The following LAMA3 variants were observed in gnomAD, a reference collection of about 807,000 sequenced individuals.
LAMA3 encodes the protein laminin subunit alpha 3, also known as laminin subunit alpha-3.
Under a neutral mutation model 402.0 loss-of-function variants are expected in LAMA3, and 281 were observed. The ratio of observed to expected loss-of-function variants is 0.70; its 90% CI spans 0.63 to 0.77. LAMA3 has a LOEUF of 0.77. Ranked by LOEUF, LAMA3 falls within the 30% of genes least tolerant of loss-of-function variation. LAMA3 has a pLI of 0.00. For synonymous variants in LAMA3, 1,431 were observed against 1,558.4 expected (o/e 0.92, Z 1.93); for missense variants, 3,840 against 4,215.5 (o/e 0.91, Z 2.47).
At chr18:23,762,186 A>G (rs1304649797) in intron 7 of LAMA3, among the ~76,000 whole-genome samples, 2 of 152,120 alleles carry the variant, frequency 1.3e-5, no homozygotes, top group African/African-American at 4.8e-5. Flanking sequence ...ACTACACTCC[A>G]TCTGGGTGAC....
intron 8 of LAMA3, among the ~76,000 whole-genome samples, chr18:23,766,507 A>G (rs1221044648): frequency 2.0e-5 from 3 of 152,196 alleles, no homozygotes; most frequent in Admixed American, 1.3e-4. Flanking sequence ...AATGAAGAGT[A>G]TGGTATGTGT....
chr18:23,691,725 C>T (rs1215991462), intron 1 of LAMA3, among the ~76,000 whole-genome samples: 1 of 152,218 alleles, frequency 6.6e-6, no homozygotes, highest in Admixed American at 6.5e-5. Flanking sequence ...GCACATGCCA[C>T]CATGCGTGGC....
intron 32 of LAMA3, among the ~76,000 whole-genome samples, chr18:23,854,314 G>A (rs1294926922): frequency 1.3e-5 from 2 of 152,222 alleles, no homozygotes; most frequent in Non-Finnish European, 2.9e-5. Context: ...CTTGCTGCAG[G>A]TACTCTTGTT....
intron 38 of LAMA3, among the ~76,000 whole-genome samples, chr18:23,875,279 G>GT (rs975107506): frequency 1.1e-4 from 16 of 151,672 alleles, no homozygotes; most frequent in Non-Finnish European, 1.5e-4. Flanking sequence ...AAGAAGAATT[G>GT]TTTTTTTTCT....
At chr18:23,893,589 C>T (rs765392580) in intron 42 of LAMA3, among the ~76,000 whole-genome samples, 6 of 151,956 alleles carry the variant, frequency 3.9e-5, no homozygotes, top group Admixed American at 6.6e-5. Flanking sequence ...CCCTCCCCAC[C>T]GGCCAAAAAA....
intron 59 of LAMA3, among the ~76,000 whole-genome samples, chr18:23,916,268 C>T (rs1212013392): frequency 1.3e-5 from 2 of 152,100 alleles, no homozygotes; most frequent in Non-Finnish European, 2.9e-5. Context: ...TCAAAATCTT[C>T]AGCTGGCAGA....
chr18:23,776,754 G>T (rs1182847983), intron 10 of LAMA3, among the ~76,000 whole-genome samples: 1 of 151,928 alleles, frequency 6.6e-6, no homozygotes, highest in African/African-American at 2.4e-5. Flanking sequence ...TCTCTGTGGA[G>T]ACTGTCCTAC....
In LAMA3 at chr18:23,901,272, G is replaced by A. The variant is rs2081061644; in HGVS notation, c.6150G>A (p.Lys2050=). 6.2e-7 allele frequency: 1 copy of A among 1,614,220 alleles called. No homozygotes were observed. The highest frequency in any genetic ancestry group is 1.3e-5 in the African/African-American group (1 of 75,062). Residue 2050 remains lysine (K), a synonymous_variant, in exon 48 of 75, where the codon AAG becomes AAA. Transcript: ENST00000313654. The part of the protein sequence containing the change: ...ARLQEAAAQA[K]QANGLNQENE... ...TGCAGGAGGCAGCTGCCCAAGCCAAGCAGGCAAATGGCTTGAACCAAGAAA... is the reference window on the plus strand; with the variant it reads ...TGCAGGAGGCAGCTGCCCAAGCCAAACAGGCAAATGGCTTGAACCAAGAAA...
chr18:23,840,381 CTT>C (rs1303915333), intron 27 of LAMA3, among the ~76,000 whole-genome samples: 1 of 28,300 alleles, frequency 3.5e-5, no homozygotes, highest in African/African-American at 1.1e-4. Flanking sequence ...ACCTTTCTTT[CTT>C]TTTTTTTTTT....
Position 23,907,653 on chromosome 18 carries a change from T to C in LAMA3, c.6822T>C (p.His2274=), listed in dbSNP as rs2081292942. The C allele has an allele frequency of 1.9e-6, 3 of 1,612,822 alleles. No homozygotes were observed. The highest frequency in any genetic ancestry group is 2.5e-6 in the Non-Finnish European group (3 of 1,178,746). ...TNLTTLRDGL[H]GIQRGDIDAM... ...TCACAACTCTCCGAGATGGTCTTCA[T>C]GGGATACAGAGAGGTCAGCATCTTC... The change falls in exon 53 of 75, where the codon CAT becomes CAC. Residue 2274 remains histidine (H), a synonymous_variant. Transcript: ENST00000313654.
chr18:23,882,502 C>T (rs887675216), intron 40 of LAMA3, among the ~76,000 whole-genome samples: 9 of 151,568 alleles, frequency 5.9e-5, no homozygotes, highest in African/African-American at 9.7e-5. Flanking sequence ...TCCAGCTATT[C>T]GGGAGGCTGA....
chr18:23,791,482 A>G (rs1171212307), intron 12 of LAMA3, among the ~76,000 whole-genome samples: 2 of 152,148 alleles, frequency 1.3e-5, no homozygotes, highest in Admixed American at 6.5e-5. Flanking sequence ...CTGTCATCCC[A>G]GCACTTTGGG....
chr18:23,881,128 G>A (rs1313630468), intron 39 of LAMA3, among the ~76,000 whole-genome samples: 2 of 152,052 alleles, frequency 1.3e-5, no homozygotes, highest in Non-Finnish European at 2.9e-5. Flanking sequence ...AAACAAATTT[G>A]ACCCAATCCA....
chr18:23,844,239 G>A (rs1009158722), intron 29 of LAMA3, among the ~76,000 whole-genome samples: 10 of 152,210 alleles, frequency 6.6e-5, no homozygotes, highest in Admixed American at 2.0e-4. Flanking sequence ...TACAGTGTTT[G>A]CTATAGGCAT....
At chr18:23,829,117 A>G (rs1468340427) in intron 23 of LAMA3, among the ~76,000 whole-genome samples, 1 of 152,226 alleles carries the variant, frequency 6.6e-6, no homozygotes, top group Admixed American at 6.5e-5. Context: ...GACTATATAC[A>G]TAGACTTATA....
At chr18:23,820,375 A>G (rs967726520) in intron 19 of LAMA3, among the ~76,000 whole-genome samples, 5 of 152,242 alleles carry the variant, frequency 3.3e-5, no homozygotes, top group Admixed American at 1.3e-4. Context: ...TGTGGAAAAC[A>G]AAAATGAGTT....
chr18:23,796,039 G>A, intron 12 of LAMA3: 1 of 433,426 alleles, frequency 2.3e-6, no homozygotes, highest in Non-Finnish European at 4.6e-6. Flanking sequence ...GTGAAAAGGT[G>A]GCCATCTACA....
chr18:23,836,018 A>G (rs2063573779), intron 24 of LAMA3, among the ~76,000 whole-genome samples: 1 of 152,146 alleles, frequency 6.6e-6, no homozygotes, highest in Admixed American at 6.6e-5. Flanking sequence ...GAGGAATTTA[A>G]TATAGGATAA....
intron 12 of LAMA3, among the ~76,000 whole-genome samples, chr18:23,786,528 T>C (rs1456628514): frequency 2.0e-5 from 3 of 152,162 alleles, no homozygotes; most frequent in Non-Finnish European, 4.4e-5. Context: ...TAGGGATCTA[T>C]GGTGGGAGAG....
Sources: gnomAD v4.1 joint callset for allele counts (sites outside exome capture counted in the v4.1 genomes callset) on GRCh38, gnomAD v4.1.1 for gene constraint, MANE v1.5 for transcripts, NCBI Gene and HGNC (gene_info 2026-07-23, HGNC 2026-07-21) for gene names.